The following UNC79 variants were observed in gnomAD, a reference collection of about 807,000 sequenced individuals.
The protein encoded by UNC79 is protein unc-79 homolog.
A neutral mutation model predicts 283.1 loss-of-function variants in UNC79; 37 were observed. The ratio of observed to expected loss-of-function variants is 0.13; its 90% CI spans 0.10 to 0.17. The LOEUF is 0.17. UNC79 is among the 10% of genes least tolerant of loss of function. UNC79 has a pLI of 1.00. For missense variants in UNC79, 2,272 were observed against 3,211.1 expected (o/e 0.71, Z 7.07); for synonymous variants, 1,107 against 1,200.2 (o/e 0.92, Z 1.61).
intron 1 of UNC79, among the ~76,000 whole-genome samples, chr14:93,415,502 C>T (rs546116444): frequency 6.6e-6 from 1 of 152,052 alleles, no homozygotes; most frequent in African/African-American, 2.4e-5. Context: ...GTGTCTCTGC[C>T]CGGCTTTGGT....
intron 1 of UNC79, among the ~76,000 whole-genome samples, chr14:93,400,775 T>C (rs1356615034): frequency 2.0e-5 from 3 of 152,006 alleles, no homozygotes; most frequent in Non-Finnish European, 4.4e-5. Context: ...GAAACCATCA[T>C]GGAAGGGATT....
At chr14:93,481,621 A>G (rs2058144849) in intron 4 of UNC79, among the ~76,000 whole-genome samples, 2 of 152,116 alleles carry the variant, frequency 1.3e-5, no homozygotes, top group Admixed American at 1.3e-4. Context: ...GGAAAAATAA[A>G]GGTTCATTTA....
At chr14:93,369,361 G>A (rs1156648209) in intron 1 of UNC79, among the ~76,000 whole-genome samples, 1 of 152,078 alleles carries the variant, frequency 6.6e-6, no homozygotes, top group Non-Finnish European at 1.5e-5. Context: ...TTCCAGTTCT[G>A]CATGTGAGGA....
At chr14:93,666,192 A>T (rs2072182661) in intron 40 of UNC79, among the ~76,000 whole-genome samples, 1 of 152,132 alleles carries the variant, frequency 6.6e-6, no homozygotes, top group African/African-American at 2.4e-5. Flanking sequence ...GTAAATGTAA[A>T]CTCCAAAGGC....
At position 93,613,165 on chromosome 14, in the gene UNC79, T is replaced by C. The variant is rs1181003948; in HGVS notation, c.4041+82T>C. The stretch of plus-strand genomic sequence containing the variant: ...GCATTACATACCATGTAGCCAACGT[T>C]GGTTCAGCATAAAGGTTTGTACAAA... On this transcript the variant is annotated intron_variant, in intron 27 of 48. Coordinates refer to ENST00000555664, the Ensembl canonical transcript of UNC79. 1.9e-6 allele frequency: 3 copies of C among 1,555,696 alleles called. No individual in the cohort carries two copies. The African/African-American group carries it at 4.1e-5, about 21-fold the overall frequency.
intron 20 of UNC79, among the ~76,000 whole-genome samples, 177 bp from the exon 21 acceptor site, chr14:93,586,419 C>T (rs945054530): frequency 1.3e-5 from 2 of 152,192 alleles, no homozygotes; most frequent in Non-Finnish European, 2.9e-5. Context: ...AGATTTCCTG[C>T]ACTTGTATCA....
intron 1 of UNC79, among the ~76,000 whole-genome samples, chr14:93,416,747 G>A (rs1484376648): frequency 2.6e-5 from 4 of 152,224 alleles, no homozygotes; most frequent in Non-Finnish European, 4.4e-5. Flanking sequence ...AGCTCTTCTT[G>A]TTGAATTGAT....
chr14:93,673,256 T>C (rs2073045368), intron 40 of UNC79, 95 bp from the exon 44 acceptor site: 1 of 1,051,248 alleles, frequency 9.5e-7, no homozygotes, highest in East Asian at 2.5e-5. Context: ...GTTTTTTATT[T>C]CTGACCCGTG....
upstream of UNC79, among the ~76,000 whole-genome samples, chr14:93,427,522 T>G (rs147555001): frequency 2.7e-3 from 410 of 152,290 alleles, 1 homozygote; most frequent in African/African-American, 9.3e-3. Flanking sequence ...ATTCAAAATT[T>G]CAAACCCTTC....
At chr14:93,528,720 A>G in intron 9 of UNC79, 74 bp downstream of exon 9, 1 of 1,368,014 alleles carries the variant, frequency 7.3e-7, no homozygotes, top group Non-Finnish European at 1.0e-6. Context: ...TTGGACTTAA[A>G]TTAGTTACAT....
chr14:93,569,747 T>C (rs947293611), intron 14 of UNC79, among the ~76,000 whole-genome samples: 1 of 152,122 alleles, frequency 6.6e-6, no homozygotes, highest in Non-Finnish European at 1.5e-5. Flanking sequence ...AAAATTACTA[T>C]TTAAGTTCTC....
chr14:93,531,957 T>C lies in UNC79; in HGVS notation c.1094-593T>C, dbSNP rs1197288136. Among the ~76,000 whole-genome samples the C allele has an allele frequency of 6.6e-6, 1 of 152,178 alleles. No homozygotes were observed. Among genetic ancestry groups the C allele is most frequent in the Non-Finnish European group, 1.5e-5 (1 of 68,020 alleles). On this transcript the variant is annotated intron_variant, in intron 10 of 48. Transcript: ENST00000555664. The surrounding 1 kb of genome is among the most constrained non-coding windows in gnomAD (Gnocchi z 4.2). The stretch of plus-strand genomic sequence containing the variant: ...CTAAGTCATGTCTGAAAAGATTAAA[T>C]TATTTGTAAAAGTAGCAGTGTGCAG...
At chr14:93,637,937 G>A (rs2068661669) in intron 32 of UNC79, among the ~76,000 whole-genome samples, 1 of 152,158 alleles carries the variant, frequency 6.6e-6, no homozygotes, top group South Asian at 2.1e-4. Flanking sequence ...TAGGCTAATA[G>A]TTTCTTTCCA....
chr14:93,492,526 G>C (rs912483364), intron 5 of UNC79, among the ~76,000 whole-genome samples: 5 of 152,136 alleles, frequency 3.3e-5, no homozygotes, highest in African/African-American at 1.2e-4. Flanking sequence ...GCTAATTTTT[G>C]TATTTTTAGT....
intron 8 of UNC79, among the ~76,000 whole-genome samples, chr14:93,526,839 A>G (rs575610885): frequency 2.2e-4 from 33 of 152,326 alleles, no homozygotes; most frequent in African/African-American, 7.9e-4. Context: ...TGAGAGAGGT[A>G]TCAATGACTC....
chr14:93,391,224 G>A (rs1235753737), intron 1 of UNC79, among the ~76,000 whole-genome samples: 1 of 152,004 alleles, frequency 6.6e-6, no homozygotes, highest in African/African-American at 2.4e-5. Context: ...TCAATAAAAT[G>A]TATGGGACAA....
In UNC79 at chr14:93,582,104, GAC is replaced by G. The variant is rs2063863079; in HGVS notation, c.2662-95_2662-94del. 7.6e-6 allele frequency: 12 copies of G among 1,587,022 alleles called. No individual in the cohort carries two copies. The South Asian group carries it at 1.4e-4, about 18-fold the overall frequency. ...CTGGCCTCAGCAGCATGGGACCCGAGACACAGCAGGTGTGCAGTCCAGCTTTG... is the reference window on the plus strand; with the variant it reads ...CTGGCCTCAGCAGCATGGGACCCGAGACAGCAGGTGTGCAGTCCAGCTTTG... On this transcript the variant is annotated intron_variant, in intron 19 of 48. Coordinates refer to ENST00000555664, the Ensembl canonical transcript of UNC79.
chr14:93,658,854 TCATCCATCCATC>T (rs543094478), intron 38 of UNC79, among the ~76,000 whole-genome samples: 3 of 151,946 alleles, frequency 2.0e-5, no homozygotes, highest in Non-Finnish European at 2.9e-5. Context: ...GTCCATCTAT[TCATCCATCCATC>T]CATCCATCCA....
intron 23 of UNC79, 103 bp from the exon 24 acceptor site, chr14:93,597,256 T>C: frequency 3.9e-6 from 5 of 1,289,330 alleles, no homozygotes; most frequent in Non-Finnish European, 5.4e-6. Flanking sequence ...GAGTTAACTT[T>C]TTGTCTGTGA....
Sources: allele counts gnomAD v4.1 joint callset (sites outside exome capture counted in the v4.1 genomes callset), GRCh38; gene constraint gnomAD v4.1.1; non-coding constraint Gnocchi (gnomAD v3.1); transcripts MANE v1.5; gene names NCBI Gene and HGNC (gene_info 2026-07-23, HGNC 2026-07-21).